Variants in TMEM163 observed in about 807,000 individuals in gnomAD.
TMEM163 encodes transmembrane protein 163.
In TMEM163, 17 loss-of-function variants were observed where a neutral mutation model predicts 29.3. The ratio of observed to expected loss-of-function variants is 0.58; its 90% confidence interval spans 0.40 to 0.87. The LOEUF is 0.87. TMEM163 is among the 40% of genes least tolerant of loss of function. TMEM163 has a pLI of 0.00. For missense variants in TMEM163, 303 were observed against 381.5 expected, an observed-to-expected ratio of 0.79 and a Z score of 1.71; for synonymous variants, 157 against 160.6, an observed-to-expected ratio of 0.98 and a Z score of 0.17.
At chr2:134,552,356 GTCAA>G (rs1402640003) in intron 2 of TMEM163, among the ~76,000 whole-genome samples, 1 of 152,190 alleles carries the variant, frequency 6.6e-6, no homozygotes, top group Non-Finnish European at 1.5e-5. Flanking sequence ...TTCAACAGCT[GTCAA>G]TCAAATGACT....
intron 2 of TMEM163, among the ~76,000 whole-genome samples, chr2:134,583,826 T>A (rs1681750966): frequency 6.6e-6 from 1 of 152,072 alleles, no homozygotes; most frequent in Non-Finnish European, 1.5e-5. Flanking sequence ...GCTCCCTCAA[T>A]CCCTCCCATC....
intron 2 of TMEM163, among the ~76,000 whole-genome samples, chr2:134,698,076 T>A (rs1266807566): frequency 6.6e-6 from 1 of 152,180 alleles, no homozygotes; most frequent in Non-Finnish European, 1.5e-5. Flanking sequence ...CACTGACATT[T>A]TGAGCCAGAT....
intron 4 of TMEM163, among the ~76,000 whole-genome samples, chr2:134,531,533 T>C (rs1443230913): frequency 6.6e-6 from 1 of 152,180 alleles, no homozygotes; most frequent in Non-Finnish European, 1.5e-5. Context: ...TGGCTAGGAA[T>C]TAGGGTTCCC....
intron 4 of TMEM163, among the ~76,000 whole-genome samples, chr2:134,546,764 G>T (rs1680797404): frequency 6.6e-6 from 1 of 151,976 alleles, no homozygotes; most frequent in African/African-American, 2.4e-5. Context: ...AGTGAGCCAA[G>T]ATCATGCCAC....
intron 2 of TMEM163, among the ~76,000 whole-genome samples, chr2:134,630,876 T>C (rs1273590920): frequency 2.6e-5 from 4 of 152,172 alleles, no homozygotes; most frequent in Non-Finnish European, 4.4e-5. Context: ...GGAGTTCTGG[T>C]TGTTAATCTG....
intron 2 of TMEM163, among the ~76,000 whole-genome samples, chr2:134,556,120 G>A (rs181742665): frequency 4.6e-5 from 7 of 152,322 alleles, no homozygotes; most frequent in African/African-American, 1.7e-4. Flanking sequence ...GAGACTGCCT[G>A]AGAATGAAGC....
At chr2:134,638,286 C>A (rs1488707814) in intron 2 of TMEM163, among the ~76,000 whole-genome samples, 1 of 152,196 alleles carries the variant, frequency 6.6e-6, no homozygotes, top group African/African-American at 2.4e-5. Context: ...TTTGCCATTA[C>A]AAAACATGAC....
intron 2 of TMEM163, among the ~76,000 whole-genome samples, chr2:134,564,462 T>C (rs1681250775): frequency 6.6e-6 from 1 of 152,140 alleles, no homozygotes; most frequent in African/African-American, 2.4e-5. Context: ...TTTCATAATC[T>C]TGGGGAAAGG....
chr2:134,597,140 C>G (rs1574267731), intron 2 of TMEM163, among the ~76,000 whole-genome samples: 2 of 152,152 alleles, frequency 1.3e-5, no homozygotes, highest in South Asian at 4.2e-4. Context: ...GCCAGAACTT[C>G]CAACACTATG....
At chr2:134,622,686 C>T (rs1682766456) in intron 2 of TMEM163, among the ~76,000 whole-genome samples, 1 of 152,192 alleles carries the variant, frequency 6.6e-6, no homozygotes, top group Admixed American at 6.5e-5. Flanking sequence ...GAGCAACTAC[C>T]AGCCGCCTGC....
At chr2:134,611,183 A>G (rs1183597499) in intron 2 of TMEM163, among the ~76,000 whole-genome samples, 3 of 152,228 alleles carry the variant, frequency 2.0e-5, no homozygotes, top group African/African-American at 7.2e-5. Flanking sequence ...ATTTCTCCCC[A>G]GTAGAATCCA....
At chr2:134,690,420 G>A (rs1684441013) in intron 2 of TMEM163, among the ~76,000 whole-genome samples, 1 of 151,826 alleles carries the variant, frequency 6.6e-6, no homozygotes. Context: ...TGAGTAGCTG[G>A]GATTACAAGT....
intron 2 of TMEM163, among the ~76,000 whole-genome samples, chr2:134,678,964 A>G (rs564459746): frequency 6.6e-6 from 1 of 152,336 alleles, no homozygotes; most frequent in East Asian, 1.9e-4. Flanking sequence ...ATCTCTTCCA[A>G]TATCTACCTA....
chr2:134,606,352 A>G lies in TMEM163; in HGVS notation c.323-54261T>C, dbSNP rs554069753. Among the ~76,000 whole-genome samples the G allele has an allele frequency of 2.0e-5, 3 of 152,222 alleles. 1 individual carries two copies. In the South Asian group the frequency reaches 6.2e-4, roughly 32 times the overall value. On this transcript the variant is annotated intron_variant, in intron 2 of 7. Coordinates refer to ENST00000281924, the MANE Select transcript of TMEM163 (RefSeq NM_030923.5). ...GAGCAAAACTCCGTCTCAAAAAAAA[A>G]AAAATACTTCTGCCCTCTGAAAATG...
intron 2 of TMEM163, among the ~76,000 whole-genome samples, chr2:134,623,867 G>A (rs1246705672): frequency 6.6e-6 from 1 of 152,166 alleles, no homozygotes; most frequent in Non-Finnish European, 1.5e-5. Flanking sequence ...TCTAGCCTCT[G>A]ACCCCGAATT....
intron 4 of TMEM163, among the ~76,000 whole-genome samples, chr2:134,529,728 G>T (rs1277224792): frequency 6.6e-6 from 1 of 151,128 alleles, no homozygotes; most frequent in Non-Finnish European, 1.5e-5. Flanking sequence ...TCACACTATT[G>T]TACTCTAGCC....
At chr2:134,693,544 G>A (rs1291956224) in intron 2 of TMEM163, among the ~76,000 whole-genome samples, 3 of 151,034 alleles carry the variant, frequency 2.0e-5, no homozygotes, top group African/African-American at 7.3e-5. Context: ...AAGAGGCAGA[G>A]GTTGCAGTGA....
At chr2:134,648,869 A>G in intron 2 of TMEM163, among the ~76,000 whole-genome samples, 1 of 152,204 alleles carries the variant, frequency 6.6e-6, no homozygotes, top group East Asian at 1.9e-4. Flanking sequence ...GATTCGCTTC[A>G]ACCAGAAGTA....
In TMEM163 at chr2:134,604,548, G is replaced by A. The variant is rs79784717; in HGVS notation, c.323-52457C>T. On this transcript the variant is annotated intron_variant, in intron 2 of 7. Transcript: ENST00000281924. ...GTCATTTCCCAAACTGGTAACAGCTGAAGTTCTGGAGAGAGGAGAAGAGGG... is the reference window on the plus strand; with the variant it reads ...GTCATTTCCCAAACTGGTAACAGCTAAAGTTCTGGAGAGAGGAGAAGAGGG... 9.3e-3 allele frequency among the ~76,000 whole-genome samples: 1,414 copies of A among 151,620 alleles called. 29 individuals carry two copies. The highest frequency in any genetic ancestry group is 0.032 in the African/African-American group (1,319 of 41,434).
Sources: gnomAD v4.1 joint callset for allele counts (sites outside exome capture counted in the v4.1 genomes callset) on GRCh38, gnomAD v4.1.1 for gene constraint, MANE v1.5 for transcripts, NCBI Gene and HGNC (gene_info 2026-07-23, HGNC 2026-07-21) for gene names.